Variants in TEPSIN observed in about 807,000 individuals in gnomAD.
The protein encoded by TEPSIN is TEPSIN adaptor related protein complex 4 accessory protein.
A neutral mutation model predicts 48.5 loss-of-function variants in TEPSIN; 50 were observed. The ratio of observed to expected loss-of-function variants is 1.03; its 90% CI spans 0.82 to 1.31. TEPSIN has a LOEUF of 1.31. TEPSIN is among the 50% of genes most tolerant of loss of function. TEPSIN has a pLI of 0.00. For synonymous variants in TEPSIN, 392 were observed against 358.8 expected, an observed-to-expected ratio of 1.09 and a Z score of -1.05; for missense variants, 838 against 815.9, an observed-to-expected ratio of 1.03 and a Z score of -0.33.
At position 81,228,576 on chromosome 17, in the gene TEPSIN, C is replaced by T. The variant is rs1282087174; in HGVS notation, c.*352G>A. On this transcript the variant is annotated 3_prime_UTR_variant, in exon 13 of 13. Coordinates refer to ENST00000637944, the MANE Select transcript of TEPSIN (RefSeq NM_001363764.2). ...AGCAGTGGCTTGTTGCTGCTCATGA[C>T]CTCCTGGGGAAGGAGGGAGCTGAGA... 3.0e-6 allele frequency: 1 copy of T among 337,650 alleles called. No homozygotes were observed. The highest frequency in any genetic ancestry group is 5.4e-6 in the Non-Finnish European group (1 of 183,548). The allele number at this position is 337,650 out of a possible 1,614,324, so 20.9% of individuals were successfully genotyped here. A position where few individuals can be genotyped will look rare whatever the true frequency, so the allele number is the denominator to read the frequency against.
chr17:81,230,956 C>T lies in TEPSIN; in HGVS notation c.1099-278G>A. The T allele has an allele frequency of 5.7e-6, 3 of 530,834 alleles. No homozygotes were observed. Among genetic ancestry groups the T allele is most frequent in the Non-Finnish European group, 1.0e-5 (3 of 301,454 alleles). 32.9% of individuals were successfully genotyped at this position (530,834 alleles called of 1,614,324 possible). A position where few individuals can be genotyped will look rare whatever the true frequency, so the allele number is the denominator to read the frequency against. ...CAGCTCCCGGACACCAGAGCCATGTCCTCCCCGGCTCCTGGACAGACCCCA... is the reference window on the plus strand; with the variant it reads ...CAGCTCCCGGACACCAGAGCCATGTTCTCCCCGGCTCCTGGACAGACCCCA... On this transcript the variant is annotated intron_variant, in intron 11 of 12. Transcript: ENST00000637944. The surrounding 1 kb of genome is among the most constrained non-coding windows in gnomAD (Gnocchi z 4.2).
At chr17:81,235,065 A>G (rs982266854) in intron 4 of TEPSIN, among the ~76,000 whole-genome samples, 5 of 152,144 alleles carry the variant, frequency 3.3e-5, no homozygotes, top group African/African-American at 1.2e-4. Flanking sequence ...CAGCTTCGAG[A>G]AAACCCACCT....
chr17:81,236,844 G>C, intron 3 of TEPSIN, 43 bp from the exon 4 acceptor site: 2 of 1,547,158 alleles, frequency 1.3e-6, no homozygotes, highest in Non-Finnish European at 1.7e-6. Context: ...GGCCGGACAC[G>C]GGACACCCAG....
chr17:81,237,085 G>A lies in TEPSIN; in HGVS notation c.122-14C>T, dbSNP rs778130125. 7 of 1,573,624 alleles carry A rather than the reference G, an allele frequency of 4.4e-6. No individual in the cohort carries two copies. Among genetic ancestry groups the A allele is most frequent in the African/African-American group, 2.7e-5 (2 of 74,104 alleles). On this transcript the variant is annotated splice_polypyrimidine_tract_variant and intron_variant, in intron 2 of 12. Transcript: ENST00000637944. ...CGTGGGAGATTTCTGCGGCACGCTCGGGTTAGGGAAGGGCGAGATGATGAG... is the reference window on the plus strand; with the variant it reads ...CGTGGGAGATTTCTGCGGCACGCTCAGGTTAGGGAAGGGCGAGATGATGAG...
At position 81,233,589 on chromosome 17, in the gene TEPSIN, A is replaced by C; in HGVS notation, c.454+49T>G. Reference sequence around the variant, plus strand: ...GCACAGACACCCAGGACACTCAAGGAGGCAGAAACCAGGTGCCAGAGCTGG... The same window carrying C: ...GCACAGACACCCAGGACACTCAAGGCGGCAGAAACCAGGTGCCAGAGCTGG... On this transcript the variant is annotated intron_variant, in intron 6 of 12. Transcript: ENST00000637944. This position sits in a 1 kb window ranked among gnomAD's most constrained non-coding sequence, Gnocchi z 5.8. 6.4e-7 allele frequency: 1 copy of C among 1,572,420 alleles called. No homozygotes were observed. The highest frequency in any genetic ancestry group is 8.6e-7 in the Non-Finnish European group (1 of 1,157,780).
At position 81,230,674 on chromosome 17, in the gene TEPSIN, G is replaced by A. The variant is rs371283553; in HGVS notation, c.1103C>T (p.Ala368Val). The A allele has an allele frequency of 1.0e-5, 16 of 1,546,830 alleles. No homozygotes were observed. Among genetic ancestry groups the A allele is most frequent in the African/African-American group, 8.3e-5 (6 of 72,720 alleles). The change falls in exon 12 of 13, where the codon GCG becomes GTG. Residue 368 changes from alanine (A) to valine (V), a missense_variant. Transcript: ENST00000637944. This position sits in a 1 kb window ranked among gnomAD's most constrained non-coding sequence, Gnocchi z 4.2. ...RGTSECTQLR[A>V]LCAIASLGSS... ...CCCCAGGGAGGCGATGGCACACAGCGCCCTCTGCGGGTGAAGGGAGGGGAC... is the reference window on the plus strand; with the variant it reads ...CCCCAGGGAGGCGATGGCACACAGCACCCTCTGCGGGTGAAGGGAGGGGAC...
chr17:81,234,173 G>C lies in TEPSIN; in HGVS notation c.308-125C>G. The C allele has an allele frequency of 1.3e-6, 1 of 774,646 alleles. No individual in the cohort carries two copies. 48.0% of individuals were successfully genotyped at this position (774,646 alleles called of 1,614,324 possible). A position where few individuals can be genotyped will look rare whatever the true frequency, so the allele number is the denominator to read the frequency against. On this transcript the variant is annotated intron_variant, in intron 4 of 12. Transcript: ENST00000637944. This position sits in a 1 kb window ranked among gnomAD's most constrained non-coding sequence, Gnocchi z 5.4. ...CTGCCACCAAGGCCCTTCTGTCACA[G>C]CCAATGGGATGCCCTCCTCCAGGAC...
rs1193050457 is a variant in TEPSIN, at chr17:81,233,379, C to G, written c.526+53G>C. ...CGGCATGGTCCGGCCCCCACCACCT[C>G]CTCATCCCCACACCCTGAGATGCCA... On this transcript the variant is annotated intron_variant, in intron 7 of 12. Transcript: ENST00000637944. The surrounding 1 kb of genome is among the most constrained non-coding windows in gnomAD (Gnocchi z 5.8). 7 of 1,592,564 alleles carry G rather than the reference C, an allele frequency of 4.4e-6. No individual in the cohort carries two copies. The Admixed American group carries it at 1.2e-4, about 28-fold the overall frequency.
Position 81,232,435 on chromosome 17 carries a change from G to A in TEPSIN, c.610C>T (p.Pro204Ser), listed in dbSNP as rs554257342. The change falls in exon 8 of 13, where the codon CCC becomes TCC. Residue 204 changes from proline (P) to serine (S), a missense_variant. Transcript: ENST00000637944. ...CGCGGCAGGAGCCTCCGGGTACTGG[G>A]ACTCTCGGGCCCGGGGCGCATGGCG... ...ASAMRPGPES[P>S]STRRLLPRGD... The A allele has an allele frequency of 6.5e-6, 10 of 1,535,768 alleles. No individual in the cohort carries two copies. The Admixed American group carries it at 7.8e-5, about 12-fold the overall frequency.
At chr17:81,232,098 C>G (rs1263383166) in intron 8 of TEPSIN, 77 bp from the exon 9 acceptor site, 18 of 1,520,262 alleles carry the variant, frequency 1.2e-5, no homozygotes, top group Admixed American at 2.0e-5. Flanking sequence ...GGCCCTGGAC[C>G]AGGAGGCCTC....
chr17:81,237,856 G>C, intron 1 of TEPSIN: 1 of 568,526 alleles, frequency 1.8e-6, no homozygotes, highest in Non-Finnish European at 2.3e-6. Flanking sequence ...AGGGGACTAT[G>C]AATCGTTCCA....
At chr17:81,229,577 A>G in intron 12 of TEPSIN, 101 bp from the exon 13 acceptor site, 1 of 1,303,220 alleles carries the variant, frequency 7.7e-7, no homozygotes, top group East Asian at 2.5e-5. Context: ...CCCTCCACCC[A>G]GAGGGCAGGG....
intron 10 of TEPSIN, 50 bp downstream of exon 10, chr17:81,231,528 C>G: frequency 1.3e-6 from 2 of 1,583,084 alleles, no homozygotes; most frequent in Non-Finnish European, 1.7e-6. Flanking sequence ...CCTCCTCCCT[C>G]GCCCACGGTT....
In TEPSIN at chr17:81,229,439, G is replaced by C; in HGVS notation, c.1271C>G (p.Ser424Cys). The C allele has an allele frequency of 6.5e-7, 1 of 1,549,980 alleles. No individual in the cohort carries two copies. Among genetic ancestry groups the C allele is most frequent in the Non-Finnish European group, 8.7e-7 (1 of 1,146,798 alleles). ...CTCAGCTGAGGTGCCCCGGGCAGGGGACAGCTGCCCACAGGAGGCCTCAAA... is the reference window on the plus strand; with the variant it reads ...CTCAGCTGAGGTGCCCCGGGCAGGGCACAGCTGCCCACAGGAGGCCTCAAA... ...RHFEASCGQL[S>C]PARGTSAEPG... The change falls in exon 13 of 13, where the codon TCC (serine) becomes TGC (cysteine). Residue 424 changes from serine to cysteine, a missense_variant. Transcript: ENST00000637944.
At chr17:81,236,620 G>T in intron 4 of TEPSIN, 88 bp downstream of exon 4, 1 of 1,351,496 alleles carries the variant, frequency 7.4e-7, no homozygotes, top group African/African-American at 1.4e-5. Context: ...TCTGGCTGAA[G>T]TCTTCCTTCT....
rs1207987615 is a variant in TEPSIN, at chr17:81,233,392, C to T, written c.526+40G>A. On this transcript the variant is annotated intron_variant, in intron 7 of 12. Transcript: ENST00000637944. This position sits in a 1 kb window ranked among gnomAD's most constrained non-coding sequence, Gnocchi z 5.8. The stretch of plus-strand genomic sequence containing the variant: ...CCCCCACCACCTCCTCATCCCCACA[C>T]CCTGAGATGCCAGAGCCCATGCAGG... 1 of 1,603,494 alleles carries T rather than the reference C, an allele frequency of 6.2e-7. No homozygotes were observed.
At chr17:81,237,718 TAAG>T in intron 1 of TEPSIN, 3 of 559,146 alleles carry the variant, frequency 5.4e-6, no homozygotes, top group Admixed American at 6.8e-5. Context: ...CCACTTGGGT[TAAG>T]AAGGGACACA....
rs77755809 is a variant in TEPSIN at position 81,237,368 on chromosome 17, G to A, written c.121+19C>T. The A allele has an allele frequency of 8.3e-4, 1,338 of 1,608,654 alleles. 9 individuals are homozygous for A. The African/African-American group carries it at 0.016, about 19-fold the overall frequency. ...GCCATCCGCTCTTTCCACTACACGG[G>A]GACATCAAGGAAGGATACTAGCAAT... is the stretch of plus-strand genomic sequence containing the variant. On this transcript the variant is annotated intron_variant, in intron 2 of 12. Coordinates refer to ENST00000637944, the MANE Select transcript of TEPSIN (RefSeq NM_001363764.2).
In TEPSIN at chr17:81,237,060, C is replaced by T. The variant is rs761496983; in HGVS notation, c.133G>A (p.Glu45Lys). ...LFEEIAKISH[E>K]SPGSSQCLLE... ...AGGCACTGGCTGCTGCCCGGAGACT[C>T]GTGGGAGATTTCTGCGGCACGCTCG... Residue 45 changes from glutamate (E) to lysine (K), a missense_variant, in exon 3 of 13, where the codon GAG (glutamate) becomes AAG (lysine). Transcript: ENST00000637944. The T allele has an allele frequency of 1.1e-5, 18 of 1,592,882 alleles. No individual in the cohort carries two copies. Among genetic ancestry groups the T allele is most frequent in the Non-Finnish European group, 1.5e-5 (17 of 1,170,094 alleles).
Sources: allele counts gnomAD v4.1 joint callset (sites outside exome capture counted in the v4.1 genomes callset), GRCh38; gene constraint gnomAD v4.1.1; non-coding constraint Gnocchi (gnomAD v3.1); transcripts MANE v1.5; gene names NCBI Gene and HGNC (gene_info 2026-07-23, HGNC 2026-07-21).